Variants in ANK2 observed in about 807,000 individuals in gnomAD.
ANK2 encodes the protein ankyrin-2.
A neutral mutation model predicts 360.5 loss-of-function variants in ANK2; 83 were observed. The observed-to-expected ratio is 0.23, with a 90% CI of 0.19 to 0.28. The LOEUF (loss-of-function observed/expected upper bound fraction) is 0.28, where lower values mean the gene tolerates loss of function less well. Among genes scored for constraint, ANK2 ranks in the 10% least tolerant of loss-of-function variants. The pLI, the probability that ANK2 is intolerant of heterozygous loss-of-function variation, is 1.00. For synonymous variants in ANK2, 1,740 were observed against 1,759.5 expected (o/e 0.99, Z 0.28); for missense variants, 4,201 against 4,795.7 (o/e 0.88, Z 3.66).
intron 1 of ANK2, among the ~76,000 whole-genome samples, chr4:113,132,039 A>G (rs1463296248): frequency 6.6e-6 from 1 of 152,230 alleles, no homozygotes; most frequent in African/African-American, 2.4e-5. Flanking sequence ...CATAAAGTCA[A>G]CTAGGAAAAT....
intron 23 of ANK2, among the ~76,000 whole-genome samples, chr4:113,305,596 A>G (rs1016655624): frequency 6.6e-6 from 1 of 152,186 alleles, no homozygotes. Context: ...ATTTTCATGT[A>G]AAGGATCTAT....
rs147126679 is a variant in ANK2, at chr4:112,983,559, C to T, written c.21+79045C>T. Among the ~76,000 whole-genome samples the T allele has an allele frequency of 6.1e-3, 928 of 151,924 alleles. 15 individuals are homozygous for T. The highest frequency in any genetic ancestry group is 0.021 in the African/African-American group (880 of 41,428). On this transcript the variant is annotated intron_variant, in intron 2 of 30. Transcript: ENST00000503271. ...AGCTGGGTGTGGTGGCCTGTAATTCCAGCTACTCGTGAGGCTGAGGCAGGA... is the reference window on the plus strand; with the variant it reads ...AGCTGGGTGTGGTGGCCTGTAATTCTAGCTACTCGTGAGGCTGAGGCAGGA...
At position 113,019,016 on chromosome 4, in the gene ANK2, A is replaced by C. The variant is rs192290594; in HGVS notation, c.21+114502A>C. ...ACCATTTGAGGAGAACAACTATGCA[A>C]CTTCCTTTTTGAGCATTTATGATAA... On this transcript the variant is annotated intron_variant, in intron 2 of 30. Transcript: ENST00000503271. Among the ~76,000 whole-genome samples, 3 of 152,228 alleles carry C rather than the reference A, an allele frequency of 2.0e-5. No homozygotes were observed. The East Asian group carries it at 5.8e-4, about 29-fold the overall frequency.
intron 29 of ANK2, 86 bp downstream of exon 29, chr4:113,333,294 GTATA>G: frequency 6.9e-7 from 1 of 1,446,048 alleles, no homozygotes; most frequent in Non-Finnish European, 9.6e-7. Flanking sequence ...AGGGGTGTGT[GTATA>G]TGTGTGTGTG....
At chr4:113,314,327 T>C (rs2081645563) in intron 24 of ANK2, among the ~76,000 whole-genome samples, 2 of 152,220 alleles carry the variant, frequency 1.3e-5, no homozygotes, top group Non-Finnish European at 2.9e-5. Flanking sequence ...ATTAATTGAA[T>C]GTTTAATAAA....
intron 14 of ANK2, among the ~76,000 whole-genome samples, chr4:113,269,507 G>A (rs570822069): frequency 5.9e-5 from 9 of 152,218 alleles, no homozygotes; most frequent in Non-Finnish European, 1.3e-4. Flanking sequence ...GGTCCCTCAC[G>A]GCTTCCCTTG....
chr4:112,861,398 T>C (rs971220864), intron 1 of ANK2, among the ~76,000 whole-genome samples: 1 of 152,218 alleles, frequency 6.6e-6, no homozygotes, highest in African/African-American at 2.4e-5. Context: ...AACTATATTT[T>C]CCGTTGAGAC....
chr4:113,061,586 G>A (rs758426287), intron 1 of ANK2, among the ~76,000 whole-genome samples: 1 of 151,904 alleles, frequency 6.6e-6, no homozygotes, highest in Non-Finnish European at 1.5e-5. Flanking sequence ...ACGTACACAC[G>A]CACTTACATT....
At chr4:112,726,417 C>A in the ANK2 span, among the ~76,000 whole-genome samples, 2 of 152,228 alleles carry the variant, frequency 1.3e-5, no homozygotes, top group Non-Finnish European at 2.9e-5. Context: ...ACTCTCTGTA[C>A]CTCTCTAAGT....
intron 1 of ANK2, among the ~76,000 whole-genome samples, chr4:113,140,775 T>C (rs1211673755): frequency 6.6e-6 from 1 of 152,026 alleles, no homozygotes; most frequent in Non-Finnish European, 1.5e-5. Context: ...GGTCAGGAGT[T>C]CAAGACCAGC....
At chr4:112,723,457 G>A in the ANK2 span, among the ~76,000 whole-genome samples, 6 of 152,160 alleles carry the variant, frequency 3.9e-5, no homozygotes, top group Admixed American at 1.3e-4. Flanking sequence ...TCCGCCTCCC[G>A]GGTTCAAGCA....
At chr4:112,786,530 G>T in the ANK2 span, among the ~76,000 whole-genome samples, 1 of 151,260 alleles carries the variant, frequency 6.6e-6, no homozygotes, top group Non-Finnish European at 1.5e-5. Context: ...CCAAGTAGCT[G>T]GGATTACAGG....
intron 1 of ANK2, among the ~76,000 whole-genome samples, chr4:112,859,428 G>A (rs1468804044): frequency 6.6e-6 from 1 of 152,140 alleles, no homozygotes; most frequent in African/African-American, 2.4e-5. Context: ...ACCTCCTTCT[G>A]GATTTGGGAA....
At chr4:113,118,686 A>T (rs1429073640) in intron 1 of ANK2, among the ~76,000 whole-genome samples, 4 of 152,178 alleles carry the variant, frequency 2.6e-5, no homozygotes, top group Admixed American at 2.6e-4. Context: ...AGATTGCATT[A>T]ATTCTTTTTT....
chr4:113,186,587 T>TCTTC (rs370477795), intron 2 of ANK2, among the ~76,000 whole-genome samples: 1 of 46,856 alleles, frequency 2.1e-5, no homozygotes, highest in African/African-American at 1.5e-4. Flanking sequence ...TCTCTCTCTC[T>TCTTC]TCTCTCTCTC....
chr4:112,853,782 A>G (rs975589861), intron 1 of ANK2, among the ~76,000 whole-genome samples: 11 of 152,244 alleles, frequency 7.2e-5, no homozygotes, highest in African/African-American at 1.4e-4. Context: ...GGGGAAATCT[A>G]GGAGAAATTG....
intron 2 of ANK2, among the ~76,000 whole-genome samples, chr4:112,953,353 T>C (rs1235488998): frequency 1.3e-5 from 2 of 152,268 alleles, no homozygotes; most frequent in Non-Finnish European, 2.9e-5. Flanking sequence ...TTTTGCATAG[T>C]TCTAGAAGGA....
At chr4:113,211,650 C>A (rs540577653) in intron 4 of ANK2, among the ~76,000 whole-genome samples, 1 of 152,260 alleles carries the variant, frequency 6.6e-6, no homozygotes, top group Admixed American at 6.5e-5. Flanking sequence ...TTAACTAAAT[C>A]ACTTCAGTGT....
chr4:113,035,742 T>G (rs192249598), intron 2 of ANK2, among the ~76,000 whole-genome samples: 3 of 145,730 alleles, frequency 2.1e-5, no homozygotes, highest in Non-Finnish European at 1.5e-5. Context: ...TCCTGTTGAT[T>G]AAAATAACTC....
Sources: gnomAD v4.1 joint callset for allele counts (sites outside exome capture counted in the v4.1 genomes callset) on GRCh38, gnomAD v4.1.1 for gene constraint, MANE v1.5 for transcripts, NCBI Gene and HGNC (gene_info 2026-07-23, HGNC 2026-07-21) for gene names.